The following RARB variants were observed in gnomAD, a reference collection of about 807,000 sequenced individuals.
RARB encodes retinoic acid receptor beta.
A neutral mutation model predicts 51.9 loss-of-function variants in RARB; 17 were observed. The observed-to-expected ratio is 0.33, with a 90% CI of 0.22 to 0.49. RARB has a LOEUF of 0.49. Among genes scored for constraint, RARB ranks in the 20% least tolerant of loss-of-function variants. RARB has a pLI of 0.99. For missense variants in RARB, 369 were observed against 550.8 expected, an observed-to-expected ratio of 0.67 and a Z score of 3.30; for synonymous variants, 215 against 195.4, an observed-to-expected ratio of 1.10 and a Z score of -0.84.
intron 5 of RARB, among the ~76,000 whole-genome samples, chr3:25,408,275 A>G (rs899891298): frequency 6.6e-6 from 1 of 152,176 alleles, no homozygotes; most frequent in Non-Finnish European, 1.5e-5. Flanking sequence ...ATTTATACAG[A>G]AAAGAGGTTT....
intron 3 of RARB, among the ~76,000 whole-genome samples, chr3:25,088,385 C>G (rs894245658): frequency 6.6e-6 from 1 of 152,128 alleles, no homozygotes; most frequent in Non-Finnish European, 1.5e-5. Context: ...CGTGAACGCC[C>G]TTGTTTGCTT....
At chr3:25,446,346 A>C (rs2125535945) in intron 1 of RARB, among the ~76,000 whole-genome samples, 1 of 152,332 alleles carries the variant, frequency 6.6e-6, no homozygotes, top group African/African-American at 2.4e-5. Flanking sequence ...TTGTAAATAA[A>C]GCTTTCTTGG....
chr3:25,572,727 A>G (rs574904939), intron 4 of RARB, among the ~76,000 whole-genome samples: 2 of 152,264 alleles, frequency 1.3e-5, no homozygotes, highest in South Asian at 4.2e-4. Context: ...TTCCTGAAAG[A>G]GGAGACTTTT....
chr3:25,342,754 T>C (rs1278341504), intron 5 of RARB, among the ~76,000 whole-genome samples: 1 of 152,154 alleles, frequency 6.6e-6, no homozygotes, highest in African/African-American at 2.4e-5. Context: ...CTAATCTTTT[T>C]TTCATGGTCT....
intron 3 of RARB, among the ~76,000 whole-genome samples, chr3:25,520,955 C>T (rs1698376189): frequency 6.6e-6 from 1 of 152,198 alleles, no homozygotes; most frequent in Non-Finnish European, 1.5e-5. Context: ...GCACAAAAGT[C>T]CTCATTCCTA....
intron 2 of RARB, among the ~76,000 whole-genome samples, chr3:24,917,283 G>A (rs1363426610): frequency 6.6e-6 from 1 of 152,028 alleles, no homozygotes; most frequent in Non-Finnish European, 1.5e-5. Context: ...GATATGACAT[G>A]AAAAGCATGA....
At chr3:25,305,112 C>T (rs139564269) in intron 5 of RARB, among the ~76,000 whole-genome samples, 1 of 152,156 alleles carries the variant, frequency 6.6e-6, no homozygotes, top group Non-Finnish European at 1.5e-5. Context: ...ACTGCCCCCT[C>T]CTGCCTCTGG....
At chr3:25,206,747 C>G (rs981781147) in intron 5 of RARB, among the ~76,000 whole-genome samples, 3 of 152,176 alleles carry the variant, frequency 2.0e-5, no homozygotes, top group African/African-American at 4.8e-5. Flanking sequence ...TGCTTCAGTG[C>G]TAGCGTACTA....
intron 1 of RARB, among the ~76,000 whole-genome samples, chr3:25,442,115 T>TA (rs1397302487): frequency 0.012 from 1,269 of 104,414 alleles, 10 homozygotes; most frequent in Non-Finnish European, 0.021. Context: ...TTTTATTTTA[T>TA]TTTTATTTAT....
chr3:25,459,494 G>A (rs1043334044), intron 1 of RARB, among the ~76,000 whole-genome samples: 1 of 152,172 alleles, frequency 6.6e-6, no homozygotes, highest in African/African-American at 2.4e-5. Context: ...TTAGATAGGC[G>A]AGTGAAACAG....
chr3:24,896,801 A>T (rs1395434545), intron 2 of RARB, among the ~76,000 whole-genome samples: 2 of 152,342 alleles, frequency 1.3e-5, no homozygotes, highest in East Asian at 3.9e-4. Context: ...GGAATGGGGC[A>T]GTATAGTCTC....
intron 4 of RARB, among the ~76,000 whole-genome samples, chr3:25,576,964 C>T (rs142067955): frequency 1.1e-3 from 171 of 152,318 alleles, no homozygotes; most frequent in African/African-American, 4.0e-3. Flanking sequence ...GAGATGTTGG[C>T]CGGCACATAA....
At chr3:25,029,397 T>G (rs553913657) in intron 2 of RARB, among the ~76,000 whole-genome samples, 1 of 152,224 alleles carries the variant, frequency 6.6e-6, no homozygotes, top group Non-Finnish European at 1.5e-5. Context: ...ACTCCAAGGA[T>G]AAATAAATTG....
At chr3:25,084,419 T>C (rs535528387) in intron 3 of RARB, among the ~76,000 whole-genome samples, 154 of 152,260 alleles carry the variant, frequency 1.0e-3, no homozygotes, top group Non-Finnish European at 1.7e-3. Context: ...TACAAAACTT[T>C]TTTTTTTTGC....
chr3:24,852,195 T>A (rs1384523784), intron 1 of RARB, among the ~76,000 whole-genome samples: 2 of 152,232 alleles, frequency 1.3e-5, no homozygotes, highest in Non-Finnish European at 2.9e-5. Flanking sequence ...AGGCCTCCAA[T>A]AAATGTTGGA....
chr3:24,974,985 G>A (rs1575100066), intron 2 of RARB, among the ~76,000 whole-genome samples: 1 of 152,134 alleles, frequency 6.6e-6, no homozygotes. Flanking sequence ...AGACACCTAT[G>A]GCTATTGACT....
At chr3:25,182,328 G>A in intron 5 of RARB, among the ~76,000 whole-genome samples, 1 of 152,200 alleles carries the variant, frequency 6.6e-6, no homozygotes, top group East Asian at 1.9e-4. Flanking sequence ...TGCAACACCA[G>A]AACCAGCAAT....
At chr3:25,578,582 T>C (rs1701039519) in intron 4 of RARB, among the ~76,000 whole-genome samples, 1 of 152,238 alleles carries the variant, frequency 6.6e-6, no homozygotes, top group Admixed American at 6.5e-5. Flanking sequence ...ATAAACTGCC[T>C]ATTAAATTTA....
intron 3 of RARB, among the ~76,000 whole-genome samples, chr3:25,540,640 T>TA (rs1699338707): frequency 6.6e-6 from 1 of 152,204 alleles, no homozygotes. Context: ...CAGCGTCCTA[T>TA]AACCACTAAG....
Sources: gnomAD v4.1 joint callset for allele counts (sites outside exome capture counted in the v4.1 genomes callset) on GRCh38, gnomAD v4.1.1 for gene constraint, MANE v1.5 for transcripts, NCBI Gene and HGNC (gene_info 2026-07-23, HGNC 2026-07-21) for gene names.